The following SEC24A variants were observed in gnomAD, a reference collection of about 807,000 sequenced individuals.
SEC24A encodes protein transport protein Sec24A.
SEC24A carries 93 observed loss-of-function variants against 129.4 expected under a neutral mutation model. The ratio of observed to expected loss-of-function variants is 0.72; its 90% CI spans 0.61 to 0.85. SEC24A has a LOEUF of 0.85. SEC24A is among the 40% of genes least tolerant of loss of function. SEC24A has a pLI of 0.00. For missense variants in SEC24A, 1,264 were observed against 1,307.4 expected, an observed-to-expected ratio of 0.97 and a Z score of 0.51; for synonymous variants, 460 against 467.3, an observed-to-expected ratio of 0.98 and a Z score of 0.20.
chr5:134,655,144 A>T (rs1750196769), intron 1 of SEC24A, among the ~76,000 whole-genome samples: 1 of 151,930 alleles, frequency 6.6e-6, no homozygotes, highest in Admixed American at 6.6e-5. Flanking sequence ...GCCACATGAG[A>T]TTTTTTACTA....
At chr5:134,659,108 G>A (rs1042696471) in intron 1 of SEC24A, among the ~76,000 whole-genome samples, 19 of 149,814 alleles carry the variant, frequency 1.3e-4, no homozygotes, top group Admixed American at 1.1e-3. Context: ...ATCTTGCTCT[G>A]TCACCCAGGC....
chr5:134,681,582 G>A (rs1305526645), intron 8 of SEC24A, among the ~76,000 whole-genome samples: 1 of 151,904 alleles, frequency 6.6e-6, no homozygotes, highest in Non-Finnish European at 1.5e-5. Context: ...ATTTTTATGT[G>A]TAGGTGCTTT....
chr5:134,674,552 TA>T (rs1450704083), intron 4 of SEC24A, 62 bp from the exon 5 acceptor site: 1 of 1,483,324 alleles, frequency 6.7e-7, no homozygotes, highest in African/African-American at 1.4e-5. Context: ...AATGTTTTTT[TA>T]AAATAAATAA....
In SEC24A at chr5:134,649,067, C is replaced by A; in HGVS notation, c.-10C>A. ...GTCGACCCCGACCAGCCCCTTCCAA[C>A]CCAGTCATCATGTCCCAGCCGGGAA... On this transcript the variant is annotated 5_prime_UTR_variant, in exon 1 of 23. Transcript: ENST00000398844. 6.2e-7 allele frequency: 1 copy of A among 1,603,918 alleles called. No individual in the cohort carries two copies. Among genetic ancestry groups the A allele is most frequent in the Non-Finnish European group, 8.5e-7 (1 of 1,173,922 alleles).
intron 7 of SEC24A, among the ~76,000 whole-genome samples, chr5:134,677,689 T>C (rs1316067331): frequency 6.6e-6 from 1 of 151,698 alleles, no homozygotes; most frequent in East Asian, 1.9e-4. Flanking sequence ...ATAGAAAATT[T>C]AGCCAAGCAT....
chr5:134,679,949 A>C (rs1014936801), intron 8 of SEC24A, among the ~76,000 whole-genome samples: 2 of 152,072 alleles, frequency 1.3e-5, no homozygotes, highest in Non-Finnish European at 2.9e-5. Context: ...TATTACATGG[A>C]TATCCCATTT....
chr5:134,723,513 C>A, intron 21 of SEC24A, 54 bp from the exon 22 acceptor site: 1 of 1,088,154 alleles, frequency 9.2e-7, no homozygotes, highest in Non-Finnish European at 1.4e-6. Context: ...TACCATAGAC[C>A]ATACATTAGA....
intron 1 of SEC24A, among the ~76,000 whole-genome samples, chr5:134,650,246 A>G (rs949933305): frequency 4.6e-4 from 70 of 152,208 alleles, no homozygotes; most frequent in African/African-American, 1.5e-3. Flanking sequence ...TTCTTTCTCA[A>G]AATTATGGTA....
At chr5:134,689,945 CAT>C (rs1418951455) in intron 11 of SEC24A, among the ~76,000 whole-genome samples, 1 of 149,986 alleles carries the variant, frequency 6.7e-6, no homozygotes, top group East Asian at 2.0e-4. Flanking sequence ...TAGGCAAATT[CAT>C]AGAGACAGAA....
chr5:134,666,840 T>A lies in SEC24A; in HGVS notation c.583T>A (p.Leu195Ile), dbSNP rs1463401917. Residue 195 changes from leucine (L) to isoleucine (I), a missense_variant, in exon 3 of 23, where the codon TTA becomes ATA. Transcript: ENST00000398844. ...TTCCATAGGTCCTTCTGTACCTCCC[T>A]TAGTGAATCCACCTCTGCCTACAAC... ...FIKSGPSVPP[L>I]VNPPLPTTFQ... The A allele has an allele frequency of 5.6e-6, 9 of 1,613,940 alleles. No homozygotes were observed. Among genetic ancestry groups the A allele is most frequent in the Non-Finnish European group, 6.8e-6 (8 of 1,180,006 alleles).
intron 4 of SEC24A, among the ~76,000 whole-genome samples, chr5:134,672,182 T>G (rs1267660152): frequency 1.3e-5 from 2 of 148,380 alleles, no homozygotes; most frequent in Non-Finnish European, 3.0e-5. Context: ...CATGCCCAGC[T>G]TTTTGTTTTT....
At chr5:134,724,030 C>A (rs929137268) in intron 22 of SEC24A, among the ~76,000 whole-genome samples, 1 of 152,126 alleles carries the variant, frequency 6.6e-6, no homozygotes, top group Non-Finnish European at 1.5e-5. Flanking sequence ...TCATTATTAA[C>A]CATAGTCATC....
At position 134,719,065 on chromosome 5, in the gene SEC24A, G is replaced by A. The variant is rs139178954; in HGVS notation, c.2970+892G>A. On this transcript the variant is annotated intron_variant, in intron 20 of 22. Coordinates refer to ENST00000398844, the MANE Select transcript of SEC24A (RefSeq NM_021982.3). ...GTACAATGTGTGTTTTAAGCTAAGT[G>A]TTATTACAAAAGAGTCAAAAAATTA... 2.4e-3 allele frequency among the ~76,000 whole-genome samples: 364 copies of A among 152,060 alleles called. 1 individual carries two copies. Among genetic ancestry groups the A allele is most frequent in the African/African-American group, 8.0e-3 (332 of 41,504 alleles).
At chr5:134,686,769 A>G in intron 9 of SEC24A, 21 bp from the exon 10 acceptor site, 2 of 1,438,394 alleles carry the variant, frequency 1.4e-6, no homozygotes, top group Non-Finnish European at 1.9e-6. Context: ...AATGTACTTA[A>G]CAAGATCTTT....
At chr5:134,712,795 T>A (rs1177766383) in intron 18 of SEC24A, among the ~76,000 whole-genome samples, 2 of 151,480 alleles carry the variant, frequency 1.3e-5, no homozygotes, top group Non-Finnish European at 2.9e-5. Flanking sequence ...ATTTTTTGTA[T>A]TTTTAGTAGA....
chr5:134,707,341 T>C (rs922339324), intron 17 of SEC24A, among the ~76,000 whole-genome samples: 6 of 151,920 alleles, frequency 3.9e-5, no homozygotes, highest in Non-Finnish European at 8.8e-5. Flanking sequence ...ATTTATTTTT[T>C]TTTTTTGAGG....
intron 19 of SEC24A, among the ~76,000 whole-genome samples, chr5:134,716,097 A>G (rs879594609): frequency 1.3e-5 from 2 of 152,182 alleles, no homozygotes; most frequent in Admixed American, 1.3e-4. Flanking sequence ...ACAAGAATGA[A>G]AATGTCAAAT....
intron 17 of SEC24A, 147 bp downstream of exon 17, chr5:134,705,584 T>G: frequency 1.9e-6 from 1 of 539,378 alleles, no homozygotes; most frequent in Non-Finnish European, 3.3e-6. Flanking sequence ...TGAAAAGATC[T>G]GCTGCAGATA....
intron 6 of SEC24A, among the ~76,000 whole-genome samples, chr5:134,675,470 G>T (rs1351232930): frequency 6.6e-6 from 1 of 152,056 alleles, no homozygotes; most frequent in African/African-American, 2.4e-5. Context: ...TATCATTATG[G>T]TGGTTACTTT....
Sources: allele counts gnomAD v4.1 joint callset (sites outside exome capture counted in the v4.1 genomes callset), GRCh38; gene constraint gnomAD v4.1.1; transcripts MANE v1.5; gene names NCBI Gene and HGNC (gene_info 2026-07-23, HGNC 2026-07-21).